The following SKAP2 variants were observed in gnomAD, a reference collection of about 807,000 sequenced individuals.
SKAP2 encodes src kinase-associated phosphoprotein 2.
Under a neutral mutation model 54.9 loss-of-function variants are expected in SKAP2, and 28 were observed. The observed-to-expected ratio is 0.51, with a 90% CI of 0.38 to 0.70. The LOEUF (loss-of-function observed/expected upper bound fraction) is 0.70, where lower values mean the gene tolerates loss of function less well. Ranked by LOEUF, SKAP2 falls within the 30% of genes least tolerant of loss-of-function variation. The pLI, the probability that SKAP2 is intolerant of heterozygous loss-of-function variation, is 0.00. For missense variants in SKAP2, 356 were observed against 424.1 expected (o/e 0.84, Z 1.41); for synonymous variants, 137 against 134.3 (o/e 1.02, Z -0.14).
intron 9 of SKAP2, among the ~76,000 whole-genome samples, chr7:26,713,922 A>C (rs1201415303): frequency 6.6e-6 from 1 of 152,208 alleles, no homozygotes; most frequent in Non-Finnish European, 1.5e-5. Context: ...TGTAAATATA[A>C]TATGTAAACA....
chr7:26,839,453 G>A (rs1040571810), intron 4 of SKAP2, among the ~76,000 whole-genome samples: 1 of 152,032 alleles, frequency 6.6e-6, no homozygotes, highest in Non-Finnish European at 1.5e-5. Flanking sequence ...AAACAAAAGT[G>A]AAATGTTGAT....
intron 9 of SKAP2, among the ~76,000 whole-genome samples, chr7:26,715,728 G>A (rs755161267): frequency 1.3e-5 from 2 of 152,078 alleles, no homozygotes; most frequent in East Asian, 1.9e-4. Context: ...GCAGTGAGCC[G>A]AGATCATGCC....
intron 4 of SKAP2, among the ~76,000 whole-genome samples, chr7:26,834,471 G>A (rs1784664925): frequency 6.6e-6 from 1 of 152,130 alleles, no homozygotes; most frequent in Non-Finnish European, 1.5e-5. Context: ...GAAGAAAAGA[G>A]AGAAGAATCA....
intron 4 of SKAP2, among the ~76,000 whole-genome samples, chr7:26,784,921 T>C (rs549127424): frequency 1.1e-4 from 16 of 151,820 alleles, no homozygotes; most frequent in Non-Finnish European, 5.9e-5. Context: ...TACAGAGGGG[T>C]GGGAAGCTGA....
In SKAP2 at chr7:26,785,311, C is replaced by T. The variant is rs376491730; in HGVS notation, c.308-45347G>A. Among the ~76,000 whole-genome samples the T allele has an allele frequency of 1.6e-3, 246 of 152,088 alleles. 1 individual carries two copies. The highest frequency in any genetic ancestry group is 5.6e-3 in the African/African-American group (232 of 41,502). Reference sequence around the variant, plus strand: ...ACACCATTCTCCTGCCTCAGCCTCCCGAGTAGCTGGGACTACAGGCGCCCG... The same window carrying T: ...ACACCATTCTCCTGCCTCAGCCTCCTGAGTAGCTGGGACTACAGGCGCCCG... On this transcript the variant is annotated intron_variant, in intron 4 of 12. Transcript: ENST00000345317.
intron 4 of SKAP2, among the ~76,000 whole-genome samples, chr7:26,794,610 G>C (rs904194303): frequency 6.6e-6 from 1 of 152,178 alleles, no homozygotes; most frequent in Admixed American, 6.5e-5. Context: ...ACTGGGCCAT[G>C]CAATTATCTT....
intron 9 of SKAP2, among the ~76,000 whole-genome samples, chr7:26,714,805 T>G (rs1408683343): frequency 6.6e-6 from 1 of 152,216 alleles, no homozygotes; most frequent in East Asian, 1.9e-4. Context: ...TACATTTTCG[T>G]GAAGCTACTA....
chr7:26,683,057 G>T (rs942191420), intron 11 of SKAP2, among the ~76,000 whole-genome samples: 1 of 152,180 alleles, frequency 6.6e-6, no homozygotes, highest in African/African-American at 2.4e-5. Flanking sequence ...TTTACAAAAG[G>T]AGTATAATAG....
At chr7:26,828,521 C>T (rs1784539246) in intron 4 of SKAP2, among the ~76,000 whole-genome samples, 1 of 150,396 alleles carries the variant, frequency 6.6e-6, no homozygotes, top group African/African-American at 2.4e-5. Context: ...ACTAAAAATA[C>T]AAAAAATTAG....
At chr7:26,680,493 T>C (rs1254211338) in intron 11 of SKAP2, among the ~76,000 whole-genome samples, 4 of 152,186 alleles carry the variant, frequency 2.6e-5, no homozygotes, top group Non-Finnish European at 4.4e-5. Context: ...AATATGATTT[T>C]CCCCCATCAA....
intron 4 of SKAP2, among the ~76,000 whole-genome samples, chr7:26,780,316 T>C (rs1208328492): frequency 1.3e-5 from 2 of 152,144 alleles, no homozygotes; most frequent in Non-Finnish European, 2.9e-5. Flanking sequence ...TTCTGCTTAG[T>C]TCAACTCATG....
intron 3 of SKAP2, among the ~76,000 whole-genome samples, chr7:26,846,427 G>T (rs1274641772): frequency 1.3e-5 from 2 of 151,932 alleles, no homozygotes; most frequent in African/African-American, 2.4e-5. Flanking sequence ...CCATTATTAT[G>T]TGTGCATATA....
intron 9 of SKAP2, among the ~76,000 whole-genome samples, chr7:26,697,658 T>C (rs1461619647): frequency 6.6e-6 from 1 of 151,996 alleles, no homozygotes; most frequent in Non-Finnish European, 1.5e-5. Flanking sequence ...TTTTTTTTCA[T>C]TTAAAGTAAC....
chr7:26,789,833 A>C (rs907321085), intron 4 of SKAP2, among the ~76,000 whole-genome samples: 1 of 152,202 alleles, frequency 6.6e-6, no homozygotes, highest in Non-Finnish European at 1.5e-5. Flanking sequence ...GGCAGGTCTC[A>C]TCCTTCATTC....
intron 6 of SKAP2, among the ~76,000 whole-genome samples, chr7:26,735,296 T>G (rs1787901727): frequency 6.6e-6 from 1 of 152,120 alleles, no homozygotes; most frequent in African/African-American, 2.4e-5. Context: ...ACCTAAGAAT[T>G]TTGATGAATA....
At chr7:26,769,731 G>A (rs1227606659) in intron 4 of SKAP2, among the ~76,000 whole-genome samples, 2 of 152,166 alleles carry the variant, frequency 1.3e-5, no homozygotes, top group African/African-American at 2.4e-5. Flanking sequence ...GTCTGCCGGA[G>A]TTTGCTGGGG....
rs184740399 is a variant in SKAP2, at chr7:26,684,713, G to A, written c.987+23C>T. 30 of 1,458,554 alleles carry A rather than the reference G, an allele frequency of 2.1e-5. No individual in the cohort carries two copies. In the East Asian group the frequency reaches 5.2e-4, roughly 25 times the overall value. 90.4% of individuals were successfully genotyped at this position (1,458,554 alleles called of 1,614,324 possible). On this transcript the variant is annotated intron_variant, in intron 11 of 12. Coordinates refer to ENST00000345317, the MANE Select transcript of SKAP2 (RefSeq NM_003930.5). ...AGCTTTGTATTCCCTCTTTACAAACGTCATTTTGGGGTATCTTCTTACCTT... is the reference window on the plus strand; with the variant it reads ...AGCTTTGTATTCCCTCTTTACAAACATCATTTTGGGGTATCTTCTTACCTT...
the SKAP2 span, among the ~76,000 whole-genome samples, chr7:26,656,033 A>C: frequency 6.6e-6 from 1 of 152,188 alleles, no homozygotes; most frequent in South Asian, 2.1e-4. Flanking sequence ...CCCCAAAGAC[A>C]GGGGACAGAT....
chr7:26,840,515 T>C (rs1403900831), intron 4 of SKAP2, among the ~76,000 whole-genome samples: 1 of 152,140 alleles, frequency 6.6e-6, no homozygotes, highest in African/African-American at 2.4e-5. Flanking sequence ...CTACCCACCT[T>C]AGTGCCTAAA....
Sources: gnomAD v4.1 joint callset for allele counts (sites outside exome capture counted in the v4.1 genomes callset) on GRCh38, gnomAD v4.1.1 for gene constraint, MANE v1.5 for transcripts, NCBI Gene and HGNC (gene_info 2026-07-23, HGNC 2026-07-21) for gene names.